Variants in EPB41 observed in about 807,000 individuals in gnomAD.
EPB41 encodes protein 4.1.
EPB41 carries 65 observed loss-of-function variants against 108.0 expected under a neutral mutation model. That is an observed-to-expected ratio of 0.60 (90% CI 0.49 to 0.74). EPB41 has a LOEUF of 0.74. Among genes scored for constraint, EPB41 ranks in the 30% least tolerant of loss-of-function variants. The pLI is 0.00. For synonymous variants in EPB41, 336 were observed against 358.9 expected (o/e 0.94, Z 0.72); for missense variants, 875 against 1,037.0 (o/e 0.84, Z 2.15).
chr1:29,096,883 A>C (rs975784243), intron 16 of EPB41: 1 of 152,438 alleles, frequency 6.6e-6, no homozygotes, highest in African/African-American at 2.4e-5. Flanking sequence ...AGTGTGGGCT[A>C]TGGAAAGAGG....
chr1:29,052,642 A>G (rs930553422), intron 11 of EPB41, among the ~76,000 whole-genome samples: 1 of 152,244 alleles, frequency 6.6e-6, no homozygotes, highest in Non-Finnish European at 1.5e-5. Context: ...TACAGAAGAA[A>G]TCAGACTTAA....
chr1:29,088,836 A>T (rs1309466255), intron 16 of EPB41, among the ~76,000 whole-genome samples: 2 of 152,206 alleles, frequency 1.3e-5, no homozygotes, highest in African/African-American at 4.8e-5. Context: ...GAAGCTGGGC[A>T]CACTGGCATG....
At chr1:29,021,957 A>T (rs2096651896) in intron 7 of EPB41, among the ~76,000 whole-genome samples, 1 of 152,214 alleles carries the variant, frequency 6.6e-6, no homozygotes, top group Admixed American at 6.5e-5. Flanking sequence ...GTTATTTGAC[A>T]CACATTTTCT....
At chr1:29,026,960 C>T (rs923254713) in intron 7 of EPB41, among the ~76,000 whole-genome samples, 5 of 151,782 alleles carry the variant, frequency 3.3e-5, no homozygotes, top group African/African-American at 7.3e-5. Context: ...GGCATGGTGG[C>T]GGGTGCCTGT....
chr1:28,971,005 G>A (rs902830544), intron 1 of EPB41, among the ~76,000 whole-genome samples: 3 of 151,466 alleles, frequency 2.0e-5, no homozygotes, highest in African/African-American at 2.4e-5. Context: ...GTGCCACTAC[G>A]CCCAGCTAAT....
chr1:28,925,705 A>G (rs916855648), intron 1 of EPB41, among the ~76,000 whole-genome samples: 7 of 152,184 alleles, frequency 4.6e-5, no homozygotes, highest in African/African-American at 1.7e-4. Context: ...TTGATCCAGC[A>G]TGTTGGGTCA....
chr1:29,082,347 C>T (rs374697987), intron 16 of EPB41, among the ~76,000 whole-genome samples: 1 of 152,202 alleles, frequency 6.6e-6, no homozygotes, highest in African/African-American at 2.4e-5. Flanking sequence ...TGGTCTCGAA[C>T]TCCTGACCTG....
At chr1:28,977,305 A>G (rs1004474285) in intron 1 of EPB41, among the ~76,000 whole-genome samples, 1 of 152,154 alleles carries the variant, frequency 6.6e-6, no homozygotes, top group Admixed American at 6.5e-5. Context: ...CTCAAGAAGC[A>G]TTAATGGAGC....
intron 15 of EPB41, among the ~76,000 whole-genome samples, chr1:29,062,553 G>T (rs543257279): frequency 3.9e-5 from 6 of 152,268 alleles, no homozygotes; most frequent in African/African-American, 1.4e-4. Context: ...GCATCAAAAA[G>T]TGTCTAACCT....
intron 1 of EPB41, among the ~76,000 whole-genome samples, chr1:28,947,408 GACAA>G (rs61120635): frequency 0.35 from 52,796 of 149,500 alleles, 10,067 homozygotes; most frequent in Non-Finnish European, 0.44. Flanking sequence ...CTCCGTCTCA[GACAA>G]ACAAACAAAC....
rs758576484 is a variant in EPB41, at chr1:29,115,723, G to T, written c.2521G>T (p.Ala841Ser). Residue 841 changes from alanine (A) to serine (S), a missense_variant, in exon 20 of 21, where the codon GCA becomes TCA. By Grantham distance (99) the Ala-to-Ser change is moderately conservative (BLOSUM62 1). This residue lies in a region of EPB41 where 519 missense variants were observed against 627.3 expected (regional missense o/e 0.83). Coordinates refer to ENST00000343067, the MANE Select transcript of EPB41 (RefSeq NM_001376013.1). This position sits in a 1 kb window ranked among gnomAD's most constrained non-coding sequence, Gnocchi z 4.4. ...GGTCCTTGTACAAGCCATCAAGGAG[G>T]CAAAGGAGCAGCACCCAGACATGTC... Reference protein sequence around the residue: ...DQVLVQAIKEAKEQHPDMSVT... With the variant: ...DQVLVQAIKESKEQHPDMSVT... 1 of 1,614,088 alleles carries T rather than the reference G, an allele frequency of 6.2e-7. No homozygotes were observed. The highest frequency in any genetic ancestry group is 8.5e-7 in the Non-Finnish European group (1 of 1,180,016).
chr1:28,998,173 G>A (rs1223963183), intron 4 of EPB41, among the ~76,000 whole-genome samples: 1 of 152,168 alleles, frequency 6.6e-6, no homozygotes, highest in Non-Finnish European at 1.5e-5. Context: ...GTATGGCCCG[G>A]GAAGTCTCCT....
intron 19 of EPB41, among the ~76,000 whole-genome samples, chr1:29,114,045 A>G (rs1670078908): frequency 6.6e-6 from 1 of 152,188 alleles, no homozygotes; most frequent in Non-Finnish European, 1.5e-5. Context: ...TAAGAATGCC[A>G]TTCATAGAGC....
chr1:28,954,688 A>T (rs1226763094), intron 1 of EPB41, among the ~76,000 whole-genome samples: 1 of 152,190 alleles, frequency 6.6e-6, no homozygotes, highest in African/African-American at 2.4e-5. Context: ...CACTGACTTG[A>T]AAAACATGCC....
intron 12 of EPB41, among the ~76,000 whole-genome samples, chr1:29,056,159 G>A (rs1161800323): frequency 1.3e-5 from 2 of 151,236 alleles, no homozygotes; most frequent in South Asian, 2.1e-4. Context: ...GCGTGAACCC[G>A]GGAGGCGGAG....
chr1:28,946,859 A>C (rs138223388), intron 1 of EPB41, among the ~76,000 whole-genome samples: 1 of 152,234 alleles, frequency 6.6e-6, no homozygotes, highest in Non-Finnish European at 1.5e-5. Context: ...AGGGCAAACA[A>C]GGTATTAGCA....
chr1:28,926,932 C>T (rs1336752372), intron 1 of EPB41, among the ~76,000 whole-genome samples: 1 of 152,222 alleles, frequency 6.6e-6, no homozygotes, highest in Admixed American at 6.5e-5. Flanking sequence ...TATACTGTAA[C>T]ATTTTTATGC....
At position 28,914,712 on chromosome 1, in the gene EPB41, CA is replaced by C. The variant is rs1396736929; in HGVS notation, c.-63del. ...CTCGGACGCCGGCGCCTCCTCCTGC[CA>C]TTGTTCGTCGGGCTGCAGCAGTGGC... On this transcript the variant is annotated 5_prime_UTR_variant, in exon 1 of 21. Transcript: ENST00000343067. The C allele has an allele frequency of 6.6e-6, 1 of 152,482 alleles. No individual in the cohort carries two copies. The highest frequency in any genetic ancestry group is 1.5e-5 in the Non-Finnish European group (1 of 67,980). The allele number at this position is 152,482 out of a possible 1,614,324, so 9.4% of individuals were successfully genotyped here.
rs542020622 is a variant in EPB41 at position 29,032,569 on chromosome 1, A to G, written c.1213-524A>G. Among the ~76,000 whole-genome samples, 286 of 152,302 alleles carry G rather than the reference A, an allele frequency of 1.9e-3. 1 individual carries two copies. The highest frequency in any genetic ancestry group is 6.6e-3 in the African/African-American group (273 of 41,556). On this transcript the variant is annotated intron_variant, in intron 8 of 20. Transcript: ENST00000343067. ...GCTAAACAAACTGTTAGCTGTAGGG[A>G]CTAACTTAGGTGAAATTTATTTTCT...
Sources: gnomAD v4.1 joint callset for allele counts (sites outside exome capture counted in the v4.1 genomes callset) on GRCh38, gnomAD v4.1.1 for gene constraint, gnomAD v4.1.1 regional missense constraint, Gnocchi (gnomAD v3.1) non-coding constraint, MANE v1.5 for transcripts, NCBI Gene and HGNC (gene_info 2026-07-23, HGNC 2026-07-21) for gene names.